Variants in TRPM4 observed in about 807,000 individuals in gnomAD.
The protein encoded by TRPM4 is calcium-activated non-selective cation channel 1.
TRPM4 carries 124 observed loss-of-function variants against 135.6 expected under a neutral mutation model. The ratio of observed to expected loss-of-function variants is 0.91; its 90% CI spans 0.79 to 1.06. The LOEUF (loss-of-function observed/expected upper bound fraction) is 1.06, where lower values mean the gene tolerates loss of function less well. Ranked by LOEUF, TRPM4 falls within the 50% of genes least tolerant of loss-of-function variation. The pLI, the probability that TRPM4 is intolerant of heterozygous loss-of-function variation, is 0.00. For synonymous variants in TRPM4, 745 were observed against 705.6 expected (o/e 1.06, Z -0.88); for missense variants, 1,658 against 1,671.4 (o/e 0.99, Z 0.14).
chr19:49,203,416 T>G (rs904828787), intron 20 of TRPM4, among the ~76,000 whole-genome samples: 1 of 152,162 alleles, frequency 6.6e-6, no homozygotes, highest in Non-Finnish European at 1.5e-5. Context: ...CCTGACCTTG[T>G]GATCCGCCCG....
In TRPM4 at chr19:49,182,784, C is replaced by T. The variant is rs751240459; in HGVS notation, c.1470C>T (p.Ala490=). The T allele has an allele frequency of 6.3e-7, 1 of 1,577,812 alleles. No individual in the cohort carries two copies. The highest frequency in any genetic ancestry group is 1.3e-5 in the African/African-American group (1 of 74,816). Reference sequence around the variant, plus strand: ...ACAGCGCAGGCACCAAAGCCCCAGCCCTAAAAGGGGGAGCTGCGGAGCTCC... The same window carrying T: ...ACAGCGCAGGCACCAAAGCCCCAGCTCTAAAAGGGGGAGCTGCGGAGCTCC... ...ASHSAGTKAP[A]LKGGAAELRP... is the part of the protein sequence containing the mutation. The change falls in exon 11 of 25, where the codon GCC becomes GCT. Residue 490 remains alanine (A), a synonymous_variant. Transcript: ENST00000252826.
At chr19:49,188,558 A>C (rs1468839613) in intron 12 of TRPM4, 83 bp from the exon 13 acceptor site, 1 of 1,600,240 alleles carries the variant, frequency 6.2e-7, no homozygotes, top group African/African-American at 1.3e-5. Context: ...CTGACCTCTG[A>C]CTCTGTTCCT....
chr19:49,160,584 A>C (rs1248892665), intron 2 of TRPM4, among the ~76,000 whole-genome samples: 1 of 152,122 alleles, frequency 6.6e-6, no homozygotes, highest in Non-Finnish European at 1.5e-5. Context: ...AATATGAATC[A>C]AAGTTCAGGG....
intron 10 of TRPM4, among the ~76,000 whole-genome samples, chr19:49,181,845 A>G (rs1189718515): frequency 6.6e-6 from 1 of 151,786 alleles, no homozygotes; most frequent in Non-Finnish European, 1.5e-5. Flanking sequence ...CTGCCTTCTT[A>G]GACGCCCCTC....
At chr19:49,158,395 C>G in intron 2 of TRPM4, 136 bp downstream of exon 2, 1 of 824,804 alleles carries the variant, frequency 1.2e-6, no homozygotes, top group Non-Finnish European at 2.1e-6. Flanking sequence ...CTTGCCGACG[C>G]TCTCCCTCTA....
At chr19:49,173,352 A>G (rs1474287136) in intron 9 of TRPM4, among the ~76,000 whole-genome samples, 1 of 152,092 alleles carries the variant, frequency 6.6e-6, no homozygotes, top group Non-Finnish European at 1.5e-5. Flanking sequence ...CCATCCACAC[A>G]TCCACTGACA....
At chr19:49,202,520 A>G (rs1224454767) in intron 20 of TRPM4, among the ~76,000 whole-genome samples, 3 of 151,972 alleles carry the variant, frequency 2.0e-5, no homozygotes, top group Non-Finnish European at 4.4e-5. Flanking sequence ...TGCCTAATTT[A>G]AAAAAATTTT....
intron 2 of TRPM4, chr19:49,158,927 G>T (rs980999426): frequency 1.3e-5 from 2 of 152,232 alleles, no homozygotes; most frequent in African/African-American, 2.4e-5. Context: ...CCCTGTCTTG[G>T]TGGCCGGGGA....
At chr19:49,181,502 G>T in intron 10 of TRPM4, 41 bp downstream of exon 10, 1 of 1,367,758 alleles carries the variant, frequency 7.3e-7, no homozygotes, top group South Asian at 1.2e-5. Flanking sequence ...ACTGACAAAG[G>T]GACTGTGCTG....
At chr19:49,161,880 T>G (rs1367335829) in intron 2 of TRPM4, among the ~76,000 whole-genome samples, 1 of 152,188 alleles carries the variant, frequency 6.6e-6, no homozygotes, top group African/African-American at 2.4e-5. Context: ...TCTGCCCACC[T>G]GGGCCTCCCA....
chr19:49,200,784 C>A lies in TRPM4; in HGVS notation c.2952C>A (p.Asp984Glu). ...GGCAGATTCCCCAGGAGGACATGGA[C>A]GGTAGGGGGGATGACGGCCTGACAG... ...IFGQIPQEDM[D>E]VALMEHSNCS... The change falls in exon 19 of 25, where the codon GAC becomes GAA. Residue 984 changes from aspartate to glutamate, a missense_variant and splice_region_variant. Asp to Glu is a conservative substitution (Grantham distance 45, BLOSUM62 2). Transcript: ENST00000252826. 6.2e-7 allele frequency: 1 copy of A among 1,613,852 alleles called. No individual in the cohort carries two copies. Among genetic ancestry groups the A allele is most frequent in the Non-Finnish European group, 8.5e-7 (1 of 1,179,992 alleles).
rs147157308 is a variant in TRPM4, at chr19:49,168,294, C to T, written c.483C>T (p.Gly161=). The change falls in exon 5 of 25, where the codon GGC becomes GGT. Residue 161 remains glycine (G), a synonymous_variant. Coordinates refer to ENST00000252826, the MANE Select transcript of TRPM4 (RefSeq NM_017636.4). ...AWIVTGGLHT[G]IGRHVGVAVR... Reference sequence around the variant, plus strand: ...TTGTCACTGGGGGTCTGCACACGGGCATCGGCCGGCATGTTGGTGTGGCTG... The same window carrying T: ...TTGTCACTGGGGGTCTGCACACGGGTATCGGCCGGCATGTTGGTGTGGCTG... 1.7e-4 allele frequency: 269 copies of T among 1,614,042 alleles called. No homozygotes were observed. Among genetic ancestry groups the T allele is most frequent in the Non-Finnish European group, 2.1e-4 (251 of 1,180,054 alleles).
intron 2 of TRPM4, 109 bp from the exon 3 acceptor site, chr19:49,165,931 TG>T: frequency 8.8e-7 from 1 of 1,131,440 alleles, no homozygotes; most frequent in Non-Finnish European, 1.3e-6. Flanking sequence ...CCTGCCTCTG[TG>T]GGTGTGGACT....
At chr19:49,204,299 G>A (rs1363420874) in intron 20 of TRPM4, among the ~76,000 whole-genome samples, 1 of 152,150 alleles carries the variant, frequency 6.6e-6, no homozygotes, top group African/African-American at 2.4e-5. Flanking sequence ...CGGTCATGTG[G>A]TAATTCTATG....
chr19:49,196,822 A>T lies in TRPM4; in HGVS notation c.2593A>T (p.Asn865Tyr), dbSNP rs779300284. 1 of 1,591,278 alleles carries T rather than the reference A, an allele frequency of 6.3e-7. No individual in the cohort carries two copies. Reference sequence around the variant, plus strand: ...GCGCCTCTACCTCGCCGACAGCTGGAACCAGTGCGACCTAGTGGCTCTCAC... The same window carrying T: ...GCGCCTCTACCTCGCCGACAGCTGGTACCAGTGCGACCTAGTGGCTCTCAC... Reference protein sequence around the residue: ...RLRLYLADSWNQCDLVALTCF... With the variant: ...RLRLYLADSWYQCDLVALTCF... Residue 865 changes from asparagine to tyrosine, a missense_variant, in exon 17 of 25, where the codon AAC (asparagine) becomes TAC (tyrosine). Asn to Tyr is a moderately radical substitution (Grantham distance 143, BLOSUM62 -2). This residue lies in a region of TRPM4 where 1,412 missense variants were observed against 1,408.7 expected (regional missense o/e 1.00). Transcript: ENST00000252826.
chr19:49,171,438 C>T lies in TRPM4; in HGVS notation c.858+20C>T, dbSNP rs369594025. The T allele has an allele frequency of 2.4e-5, 38 of 1,613,684 alleles. No homozygotes were observed. Among genetic ancestry groups the T allele is most frequent in the African/African-American group, 4.0e-5 (3 of 74,828 alleles). ...TTGACGGTATAGGGGCCCGGATGCC[C>T]GGATCTAAGGGGGAAGGAGGGTTGG... On this transcript the variant is annotated intron_variant, in intron 7 of 24. Transcript: ENST00000252826. The surrounding 1 kb of genome is among the most constrained non-coding windows in gnomAD (Gnocchi z 4.7).
intron 9 of TRPM4, among the ~76,000 whole-genome samples, chr19:49,180,811 T>C (rs568360469): frequency 2.6e-5 from 4 of 152,086 alleles, no homozygotes; most frequent in Non-Finnish European, 5.9e-5. Context: ...CATCTATCCA[T>C]CTATCCACCC....
chr19:49,201,850 T>G, intron 19 of TRPM4, 114 bp from the exon 20 acceptor site: 1 of 1,098,116 alleles, frequency 9.1e-7, no homozygotes, highest in Non-Finnish European at 1.4e-6. Flanking sequence ...TCCGGCCATC[T>G]CAGCCTCCCA....
intron 9 of TRPM4, among the ~76,000 whole-genome samples, 172 bp from the exon 10 acceptor site, chr19:49,181,177 T>G (rs1220893111): frequency 1.3e-5 from 2 of 152,172 alleles, no homozygotes; most frequent in African/African-American, 4.8e-5. Context: ...CTGAGCCAAA[T>G]GACCTTATGC....
Sources: gnomAD v4.1 joint callset for allele counts (sites outside exome capture counted in the v4.1 genomes callset) on GRCh38, gnomAD v4.1.1 for gene constraint, gnomAD v4.1.1 regional missense constraint, Gnocchi (gnomAD v3.1) non-coding constraint, MANE v1.5 for transcripts, NCBI Gene and HGNC (gene_info 2026-07-23, HGNC 2026-07-21) for gene names.